SGCD: variants seen among roughly 807,000 people sequenced by gnomAD.
SGCD encodes the protein sarcoglycan delta.
SGCD carries 18 observed loss-of-function variants against 36.6 expected under a neutral mutation model. The observed-to-expected ratio is 0.49, with a 90% CI of 0.34 to 0.73. The LOEUF (loss-of-function observed/expected upper bound fraction) is 0.73, where lower values mean the gene tolerates loss of function less well. Among genes scored for constraint, SGCD ranks in the 30% least tolerant of loss-of-function variants. The pLI is 0.01. For synonymous variants in SGCD, 133 were observed against 130.6 expected (o/e 1.02, Z -0.12); for missense variants, 387 against 346.7 (o/e 1.12, Z -0.92).
intron 1 of SGCD, among the ~76,000 whole-genome samples, chr5:156,110,057 TATA>T (rs2127599052): frequency 6.6e-6 from 1 of 152,294 alleles, no homozygotes; most frequent in South Asian, 2.1e-4. Flanking sequence ...AGTGACAAAG[TATA>T]ATATTTAAGG....
At chr5:156,569,137 A>T (rs1759617565) in intron 4 of SGCD, among the ~76,000 whole-genome samples, 1 of 152,154 alleles carries the variant, frequency 6.6e-6, no homozygotes, top group Admixed American at 6.5e-5. Context: ...CAGTCAGCGA[A>T]CTCAGCGAAC....
Position 156,522,918 on chromosome 5 carries a change from T to G in SGCD, c.294+14216T>G, listed in dbSNP as rs529529632. Among the ~76,000 whole-genome samples the G allele has an allele frequency of 4.6e-5, 7 of 152,272 alleles. No individual in the cohort carries two copies. The South Asian group carries it at 1.4e-3, about 32-fold the overall frequency. ...AATATCTGTACACTTTTTGAAACCC[T>G]AAGCCAGTCATCCTCAGCATGAATT... On this transcript the variant is annotated intron_variant, in intron 4 of 8. Coordinates refer to ENST00000337851, the MANE Select transcript of SGCD (RefSeq NM_000337.6).
At chr5:156,321,428 T>TAAAC (rs146196490) in intron 3 of SGCD, among the ~76,000 whole-genome samples, 30,697 of 151,692 alleles carry the variant, frequency 0.2, 3,293 homozygotes, top group Middle Eastern at 0.28. Context: ...TGAAAATAAA[T>TAAAC]AAACAAATAA....
intron 3 of SGCD, among the ~76,000 whole-genome samples, chr5:156,430,429 T>A (rs1448411242): frequency 6.6e-6 from 1 of 152,124 alleles, no homozygotes; most frequent in Non-Finnish European, 1.5e-5. Flanking sequence ...AGTTGGTTTA[T>A]CCCTTTCTCT....
At chr5:156,361,516 A>G (rs1180396206) in intron 3 of SGCD, among the ~76,000 whole-genome samples, 2 of 152,214 alleles carry the variant, frequency 1.3e-5, no homozygotes, top group Non-Finnish European at 2.9e-5. Context: ...AAAGTAGAGT[A>G]TGGTAGGCAC....
chr5:155,808,013 T>C, the SGCD span, among the ~76,000 whole-genome samples: 7,318 of 152,308 alleles, frequency 0.048, 231 homozygotes, highest in Middle Eastern at 0.14. Flanking sequence ...GGAATTGCTA[T>C]ATCTGCAACC....
Position 155,994,202 on chromosome 5 carries a change from A to C in SGCD, c.-281-123676A>C, listed in dbSNP as rs140232936. Among the ~76,000 whole-genome samples the C allele has an allele frequency of 1.7e-4, 26 of 152,340 alleles. No individual in the cohort carries two copies. The East Asian group carries it at 4.8e-3, about 28-fold the overall frequency. On this transcript the variant is annotated intron_variant, in intron 1 of 9. Coordinates refer to the SGCD transcript ENST00000517913. ...CCAGAATCCAAAAGGACTTGACTTTACATTGTGGCTGTTCTGACTGTGTGG... is the reference window on the plus strand; with the variant it reads ...CCAGAATCCAAAAGGACTTGACTTTCCATTGTGGCTGTTCTGACTGTGTGG...
intron 2 of SGCD, among the ~76,000 whole-genome samples, chr5:156,330,399 G>A (rs112336205): frequency 1.3e-5 from 2 of 152,274 alleles, no homozygotes; most frequent in African/African-American, 4.8e-5. Context: ...GTCAGGTCCT[G>A]GCTCCATTCA....
At chr5:156,300,078 A>G (rs962351615) in intron 3 of SGCD, among the ~76,000 whole-genome samples, 1 of 151,976 alleles carries the variant, frequency 6.6e-6, no homozygotes, top group African/African-American at 2.4e-5. Context: ...TCTGTCGTAT[A>G]TGTCTTTAAT....
At chr5:155,775,150 A>T in the SGCD span, among the ~76,000 whole-genome samples, 1 of 152,182 alleles carries the variant, frequency 6.6e-6, no homozygotes, top group South Asian at 2.1e-4. Flanking sequence ...TTAAAGAAAG[A>T]AAACATTTAT....
At chr5:155,801,501 C>T in the SGCD span, among the ~76,000 whole-genome samples, 80 of 152,118 alleles carry the variant, frequency 5.3e-4, 2 homozygotes, top group South Asian at 2.1e-4. Flanking sequence ...CCAGCCCTTG[C>T]GTAGAATTTG....
chr5:156,723,729 T>C (rs1389644250), intron 7 of SGCD, among the ~76,000 whole-genome samples: 1 of 152,170 alleles, frequency 6.6e-6, no homozygotes, highest in African/African-American at 2.4e-5. Context: ...AAGGAAGGCA[T>C]GATCAAGGTT....
the SGCD span, among the ~76,000 whole-genome samples, chr5:155,736,965 G>C: frequency 6.6e-6 from 1 of 152,276 alleles, no homozygotes; most frequent in South Asian, 2.1e-4. Context: ...AAAAGTGAGT[G>C]CTCTTTCCTT....
intron 1 of SGCD, among the ~76,000 whole-genome samples, chr5:156,010,260 T>G (rs1758833078): frequency 6.6e-6 from 1 of 152,210 alleles, no homozygotes; most frequent in African/African-American, 2.4e-5. Flanking sequence ...TTAAATAACA[T>G]CTTAATCTTT....
chr5:156,680,824 A>C (rs551887852), intron 7 of SGCD, among the ~76,000 whole-genome samples: 2 of 152,224 alleles, frequency 1.3e-5, no homozygotes, highest in Non-Finnish European at 2.9e-5. Flanking sequence ...GCATGGAGAC[A>C]TGAAAGCACA....
chr5:156,267,483 C>G (rs1421223728), intron 3 of SGCD, among the ~76,000 whole-genome samples: 1 of 152,190 alleles, frequency 6.6e-6, no homozygotes. Context: ...CTTGATAATT[C>G]TGACCTGCCG....
chr5:156,434,391 A>G (rs62382689), intron 3 of SGCD, among the ~76,000 whole-genome samples: 30,704 of 152,184 alleles, frequency 0.2, 3,409 homozygotes, highest in Middle Eastern at 0.3. Flanking sequence ...ATGTAATTCA[A>G]TGATGGTGAG....
intron 1 of SGCD, among the ~76,000 whole-genome samples, chr5:155,978,873 T>G (rs1266480493): frequency 1.3e-5 from 2 of 152,102 alleles, no homozygotes; most frequent in African/African-American, 4.8e-5. Flanking sequence ...GCTATTAAGC[T>G]GCCCTACAAA....
chr5:156,416,921 C>A (rs1160854189), intron 3 of SGCD, among the ~76,000 whole-genome samples: 1 of 152,018 alleles, frequency 6.6e-6, no homozygotes. Context: ...GGCTTTTTTT[C>A]TTCTTCTTAG....
Sources: allele counts gnomAD v4.1 joint callset (sites outside exome capture counted in the v4.1 genomes callset), GRCh38; gene constraint gnomAD v4.1.1; transcripts MANE v1.5; gene names NCBI Gene and HGNC (gene_info 2026-07-23, HGNC 2026-07-21).